Variants in DNAJC1 observed in about 807,000 individuals in gnomAD.
The protein encoded by DNAJC1 is DnaJ heat shock protein family (Hsp40) member C1.
Under a neutral mutation model 76.6 loss-of-function variants are expected in DNAJC1, and 58 were observed. The ratio of observed to expected loss-of-function variants is 0.76; its 90% CI spans 0.61 to 0.94. The LOEUF (loss-of-function observed/expected upper bound fraction) is 0.94. DNAJC1 is among the 40% of genes least tolerant of loss of function. The probability of loss-of-function intolerance (pLI) is 0.00; values close to 1 mark genes in which losing one functional copy is unlikely to be tolerated. For missense variants in DNAJC1, 689 were observed against 677.3 expected (o/e 1.02, Z -0.19); for synonymous variants, 258 against 267.9 (o/e 0.96, Z 0.36).
chr10:21,762,198 A>G (rs1432142257), intron 10 of DNAJC1, among the ~76,000 whole-genome samples: 3 of 152,186 alleles, frequency 2.0e-5, no homozygotes, highest in African/African-American at 7.2e-5. Flanking sequence ...CAGCCTCCCA[A>G]AGTGTTGGGA....
intron 1 of DNAJC1, among the ~76,000 whole-genome samples, chr10:21,955,162 A>T (rs1024822484): frequency 6.6e-6 from 1 of 152,362 alleles, no homozygotes; most frequent in East Asian, 1.9e-4. Context: ...GTTCAGAATC[A>T]CTGATATAAA....
chr10:21,846,063 T>G (rs959046723), intron 8 of DNAJC1, among the ~76,000 whole-genome samples: 1 of 152,178 alleles, frequency 6.6e-6, no homozygotes, highest in Non-Finnish European at 1.5e-5. Context: ...CAATTAAAGG[T>G]AGACTGGTAT....
chr10:21,932,075 G>A (rs1590054900), intron 1 of DNAJC1, among the ~76,000 whole-genome samples: 1 of 152,042 alleles, frequency 6.6e-6, no homozygotes, highest in Non-Finnish European at 1.5e-5. Flanking sequence ...GGTGGCTCAC[G>A]CCCGTAATCC....
intron 8 of DNAJC1, among the ~76,000 whole-genome samples, chr10:21,844,830 C>G (rs565251807): frequency 1.3e-4 from 20 of 152,214 alleles, no homozygotes; most frequent in South Asian, 2.1e-4. Context: ...AACGTGAGCT[C>G]AATACCAGCC....
At chr10:21,870,913 C>G (rs1473738748) in intron 8 of DNAJC1, among the ~76,000 whole-genome samples, 2 of 151,558 alleles carry the variant, frequency 1.3e-5, no homozygotes, top group Admixed American at 6.6e-5. Flanking sequence ...TCCTGGGTGA[C>G]CACAACCTGT....
chr10:21,845,054 G>A (rs1367434687), intron 8 of DNAJC1, among the ~76,000 whole-genome samples: 2 of 152,074 alleles, frequency 1.3e-5, no homozygotes, highest in African/African-American at 4.8e-5. Flanking sequence ...ATTTATATGT[G>A]TACACACAGA....
chr10:21,972,701 T>C (rs919808594), intron 1 of DNAJC1, among the ~76,000 whole-genome samples: 31 of 152,146 alleles, frequency 2.0e-4, no homozygotes, highest in African/African-American at 7.2e-4. Flanking sequence ...AATGAGTGAT[T>C]AGGAGGTTAC....
intron 8 of DNAJC1, among the ~76,000 whole-genome samples, chr10:21,848,525 T>C (rs768045658): frequency 1.3e-5 from 2 of 152,184 alleles, no homozygotes; most frequent in Non-Finnish European, 1.5e-5. Flanking sequence ...CCCAGACCAA[T>C]GTCCTGAAGT....
At chr10:21,846,879 CTTT>C (rs777182871) in intron 8 of DNAJC1, among the ~76,000 whole-genome samples, 3 of 135,630 alleles carry the variant, frequency 2.2e-5, no homozygotes, top group South Asian at 2.4e-4. Flanking sequence ...TGGATAATGA[CTTT>C]TTTTTTTTTT....
At chr10:21,838,961 C>G (rs1359624886) in intron 8 of DNAJC1, among the ~76,000 whole-genome samples, 2 of 152,210 alleles carry the variant, frequency 1.3e-5, no homozygotes, top group Admixed American at 1.3e-4. Context: ...CAAAACCGCT[C>G]AACTACATGG....
intron 9 of DNAJC1, among the ~76,000 whole-genome samples, chr10:21,779,219 TC>T (rs1289742429): frequency 6.6e-6 from 1 of 152,180 alleles, no homozygotes; most frequent in African/African-American, 2.4e-5. Context: ...GACTTAAATG[TC>T]CCTGTGTGAC....
chr10:21,797,381 G>C (rs1834761311), intron 9 of DNAJC1, among the ~76,000 whole-genome samples: 1 of 152,038 alleles, frequency 6.6e-6, no homozygotes, highest in South Asian at 2.1e-4. Flanking sequence ...AGGAAATGTG[G>C]TATCTCCAGT....
intron 1 of DNAJC1, among the ~76,000 whole-genome samples, chr10:21,948,073 T>C (rs1837534121): frequency 6.6e-6 from 1 of 151,764 alleles, no homozygotes; most frequent in Admixed American, 6.6e-5. Flanking sequence ...AATCAGTCCT[T>C]ATTTCCTTCC....
intron 1 of DNAJC1, 87 bp from the exon 2 acceptor site, chr10:21,929,228 A>G: frequency 1.1e-6 from 1 of 876,708 alleles, no homozygotes; most frequent in East Asian, 2.7e-5. Flanking sequence ...CTGAGAAGAC[A>G]GCCAACCAAG....
intron 1 of DNAJC1, among the ~76,000 whole-genome samples, chr10:21,984,759 G>C (rs1053689322): frequency 2.0e-5 from 3 of 152,072 alleles, no homozygotes; most frequent in Non-Finnish European, 4.4e-5. Context: ...ATATTAACAA[G>C]TCTTTAAGAC....
chr10:21,780,599 G>A (rs941677458), intron 9 of DNAJC1, among the ~76,000 whole-genome samples: 10 of 152,084 alleles, frequency 6.6e-5, no homozygotes, highest in Admixed American at 3.9e-4. Context: ...AAGGAAGCAC[G>A]AAATATGGAA....
intron 8 of DNAJC1, among the ~76,000 whole-genome samples, chr10:21,843,034 A>G (rs760916439): frequency 2.0e-5 from 3 of 152,194 alleles, no homozygotes; most frequent in Non-Finnish European, 4.4e-5. Flanking sequence ...AAGAGTATCG[A>G]TATTGAATAC....
intron 9 of DNAJC1, among the ~76,000 whole-genome samples, chr10:21,783,844 G>C (rs1363301373): frequency 6.6e-6 from 1 of 152,166 alleles, no homozygotes; most frequent in Non-Finnish European, 1.5e-5. Context: ...AAACTGGCTA[G>C]CCATATGTAG....
At chr10:21,758,815 G>A (rs577509486) in intron 11 of DNAJC1, among the ~76,000 whole-genome samples, 2 of 152,252 alleles carry the variant, frequency 1.3e-5, no homozygotes, top group Non-Finnish European at 2.9e-5. Flanking sequence ...CTTCCCAGCT[G>A]CTGCATTTCA....
Sources: gnomAD v4.1 joint callset for allele counts (sites outside exome capture counted in the v4.1 genomes callset) on GRCh38, gnomAD v4.1.1 for gene constraint, MANE v1.5 for transcripts, NCBI Gene and HGNC (gene_info 2026-07-23, HGNC 2026-07-21) for gene names.